RSRP1: variants seen among roughly 807,000 people sequenced by gnomAD.
RSRP1 encodes the protein arginine and serine rich protein 1.
Under a neutral mutation model 33.0 loss-of-function variants are expected in RSRP1, and 37 were observed. The observed-to-expected ratio is 1.12, with a 90% CI of 0.86 to 1.48. The LOEUF is 1.48. Among genes scored for constraint, RSRP1 ranks in the 40% most tolerant of loss-of-function variants. The pLI, the probability that RSRP1 is intolerant of heterozygous loss-of-function variation, is 0.00. For synonymous variants in RSRP1, 167 were observed against 158.7 expected, an observed-to-expected ratio of 1.05 and a Z score of -0.40; for missense variants, 402 against 385.3, an observed-to-expected ratio of 1.04 and a Z score of -0.36.
At chr1:25,322,494 G>C in intron 1 of RSRP1, among the ~76,000 whole-genome samples, 1 of 132,290 alleles carries the variant, frequency 7.6e-6, no homozygotes, top group South Asian at 2.3e-4. Flanking sequence ...CCAACGTGTC[G>C]AAACCCCATC....
chr1:25,294,277 C>G, intron 1 of RSRP1: 1 of 1,161,044 alleles, frequency 8.6e-7, no homozygotes. Context: ...GCCTTGGCAG[C>G]TTTCTGCGAG....
chr1:25,261,775 G>A (rs1571543002), intron 1 of RSRP1, among the ~76,000 whole-genome samples: 1 of 130,916 alleles, frequency 7.6e-6, no homozygotes, highest in East Asian at 2.4e-4. Flanking sequence ...GCAGTGTTAT[G>A]ATTTTGGCTC....
Position 25,246,969 on chromosome 1 carries a change from C to A in RSRP1, c.-6G>T. 1 of 1,562,574 alleles carries A rather than the reference C, an allele frequency of 6.4e-7. No homozygotes were observed. Among genetic ancestry groups the A allele is most frequent in the South Asian group, 1.2e-5 (1 of 86,608 alleles). On this transcript the variant is annotated 5_prime_UTR_variant, in exon 2 of 5. Transcript: ENST00000243189. ...TCGTTCACGTAGTTGGACATCTTCA[C>A]CTGCGGCTTTAGCCTGCGCTTTCTC...
chr1:25,302,916 A>C lies in RSRP1; in HGVS notation c.-67+35062T>G, dbSNP rs1364217221. On this transcript the variant is annotated intron_variant, in intron 1 of 1. Coordinates refer to the RSRP1 transcript ENST00000561867. ...CCCAATATTTTGGGAGGCTGAGGCA[A>C]GAGGATTGGTTGAGGCCAGGAGTTC... Among the ~76,000 whole-genome samples the C allele has an allele frequency of 3.1e-5, 4 of 130,574 alleles. 2 individuals carry two copies. The highest frequency in any genetic ancestry group is 1.1e-4 in the African/African-American group (4 of 37,852). The allele number at this position is 130,574 out of a possible 152,430, so 85.7% of individuals were successfully genotyped here.
chr1:25,243,487 A>G, intron 4 of RSRP1, 63 bp downstream of exon 4: 2 of 1,583,718 alleles, frequency 1.3e-6, no homozygotes, highest in Non-Finnish European at 1.7e-6. Context: ...AGATAAAAAC[A>G]CAAAGATGCA....
At chr1:25,297,612 C>T (rs1643059735) in intron 1 of RSRP1, among the ~76,000 whole-genome samples, 1 of 131,594 alleles carries the variant, frequency 7.6e-6, no homozygotes, top group African/African-American at 2.6e-5. Context: ...GAAAAGCTTT[C>T]GCTTCTCTGT....
At position 25,246,901 on chromosome 1, in the gene RSRP1, G is replaced by A. The variant is rs941000219; in HGVS notation, c.63C>T (p.Thr21=). The part of the protein sequence containing the change: ...GSPQEKDSPS[T]SRSGGSSRLS... ...GCCGGCTGGACCCGCCCGACCGCGA[G>A]GTCGAGGGCGAATCCTTCTCCTGCG... The change falls in exon 2 of 5, where the codon ACC becomes ACT. Residue 21 remains threonine, a synonymous_variant. Coordinates refer to ENST00000243189, the MANE Select transcript of RSRP1 (RefSeq NM_020317.5). 5.6e-6 allele frequency: 9 copies of A among 1,603,384 alleles called. No individual in the cohort carries two copies. Among genetic ancestry groups the A allele is most frequent in the South Asian group, 1.1e-5 (1 of 90,880 alleles).
intron 1 of RSRP1, chr1:25,329,352 C>G: frequency 3.0e-6 from 1 of 336,310 alleles, no homozygotes; most frequent in East Asian, 4.2e-5. Context: ...TCAAGCAAAT[C>G]TCCTGCCTCA....
chr1:25,258,864 T>A (rs553181141), intron 1 of RSRP1, among the ~76,000 whole-genome samples: 1 of 152,164 alleles, frequency 6.6e-6, no homozygotes, highest in Non-Finnish European at 1.5e-5. Context: ...GAAAACACTT[T>A]GTCATTTTAG....
At chr1:25,247,585 C>CGCCCTGT (rs1639586654), upstream of RSRP1, 1 of 152,316 alleles carries the variant, frequency 6.6e-6, no homozygotes, top group Non-Finnish European at 1.5e-5. Flanking sequence ...CCCCAAGCCG[C>CGCCCTGT]GCCCTGTGCC....
chr1:25,331,075 C>T (rs1644996732), intron 1 of RSRP1, among the ~76,000 whole-genome samples: 1 of 117,304 alleles, frequency 8.5e-6, no homozygotes, highest in East Asian at 2.3e-4. Flanking sequence ...TCAAGCAATT[C>T]TCCTGCCTCA....
At position 25,290,229 on chromosome 1, in the gene RSRP1, C is replaced by A. The variant is rs370873484; in HGVS notation, c.-66-43200G>T. Among the ~76,000 whole-genome samples, 8 of 128,140 alleles carry A rather than the reference C, an allele frequency of 6.2e-5. 2 individuals carry two copies. In the East Asian group the frequency reaches 9.9e-4, roughly 16 times the overall value. The allele number at this position is 128,140 out of a possible 152,430, so 84.1% of individuals were successfully genotyped here. Reference sequence around the variant, plus strand: ...GGGTGACTGGATGTGGGCAGGCCTGCGGGGGAAGAGTGCCCTCTGTTGAGC... The same window carrying A: ...GGGTGACTGGATGTGGGCAGGCCTGAGGGGGAAGAGTGCCCTCTGTTGAGC... On this transcript the variant is annotated intron_variant, in intron 1 of 1. Coordinates refer to the RSRP1 transcript ENST00000561867.
chr1:25,301,003 T>C lies in RSRP1; in HGVS notation c.-67+36975A>G. On this transcript the variant is annotated intron_variant, in intron 1 of 1. Transcript: ENST00000561867. The stretch of plus-strand genomic sequence containing the variant: ...CGTGTTCGCAGCCTATTTTGGGCTG[T>C]CTGTGGCCTGGTGCCTGCCAAAGCC... 1.5e-6 allele frequency: 2 copies of C among 1,376,028 alleles called. 1 individual carries two copies. Among genetic ancestry groups the C allele is most frequent in the South Asian group, 2.4e-5 (2 of 84,856 alleles). The allele number at this position is 1,376,028 out of a possible 1,614,324, so 85.2% of individuals were successfully genotyped here.
chr1:25,321,700 A>AAATAAAATAAAATAAAATAC (rs1644718607), intron 1 of RSRP1, among the ~76,000 whole-genome samples: 1 of 128,346 alleles, frequency 7.8e-6, no homozygotes, highest in Non-Finnish European at 1.8e-5. Context: ...AAATAAAATA[A>AAATAAAATAAAATAAAATAC]AATAAAATAG....
chr1:25,244,556 T>A lies in RSRP1; in HGVS notation c.672+594A>T, dbSNP rs1639187675. On this transcript the variant is annotated intron_variant, in intron 3 of 4. Coordinates refer to ENST00000243189, the MANE Select transcript of RSRP1 (RefSeq NM_020317.5). ...CTGTATATGCTGAGTACAGAATTTG[T>A]GGGAACATAATGCTGCAAATGAAAG... 4 of 1,288,232 alleles carry A rather than the reference T, an allele frequency of 3.1e-6. No homozygotes were observed. The Admixed American group carries it at 9.2e-5, about 30-fold the overall frequency. 79.8% of individuals were successfully genotyped at this position (1,288,232 alleles called of 1,614,324 possible). A position where few individuals can be genotyped will look rare whatever the true frequency, so the allele number is the denominator to read the frequency against.
chr1:25,300,748 C>T lies in RSRP1; in HGVS notation c.-67+37230G>A, dbSNP rs866346173. Among the ~76,000 whole-genome samples, 29 of 131,694 alleles carry T rather than the reference C, an allele frequency of 2.2e-4. 8 individuals are homozygous for T. Among genetic ancestry groups the T allele is most frequent in the South Asian group, 7.0e-4 (3 of 4,312 alleles). The allele number at this position is 131,694 out of a possible 152,430, so 86.4% of individuals were successfully genotyped here. On this transcript the variant is annotated intron_variant, in intron 1 of 1. Coordinates refer to the RSRP1 transcript ENST00000561867. ...CGCGTGAACCTGGGAGGCAAATGTT[C>T]CAGTGAGCCGAGATCGTGCCATTGC...
rs1220482255 is a variant in RSRP1 at position 25,277,738 on chromosome 1, G to A, written c.-66-30709C>T. On this transcript the variant is annotated intron_variant, in intron 1 of 1. Coordinates refer to the RSRP1 transcript ENST00000561867. ...ATTGCCCAGGGGAGTGCAGTGGTGC[G>A]ATCTTGGCTCACCGCAACCTCCACC... Among the ~76,000 whole-genome samples, 4 of 122,318 alleles carry A rather than the reference G, an allele frequency of 3.3e-5. 1 individual carries two copies. Among genetic ancestry groups the A allele is most frequent in the Non-Finnish European group, 7.7e-5 (4 of 51,738 alleles). 80.2% of individuals were successfully genotyped at this position (122,318 alleles called of 152,430 possible). A position where few individuals can be genotyped will look rare whatever the true frequency, so the allele number is the denominator to read the frequency against.
chr1:25,258,398 T>C (rs1323706105), intron 1 of RSRP1, among the ~76,000 whole-genome samples: 1 of 152,178 alleles, frequency 6.6e-6, no homozygotes, highest in Non-Finnish European at 1.5e-5. Context: ...CAGGCTGGTC[T>C]TGAACTCCTG....
At chr1:25,319,702 T>C (rs1644593609) in intron 1 of RSRP1, among the ~76,000 whole-genome samples, 2 of 132,154 alleles carry the variant, frequency 1.5e-5, no homozygotes, top group South Asian at 2.3e-4. Flanking sequence ...AAGACAAGCA[T>C]TTAATTTGTT....
Sources: gnomAD v4.1 joint callset for allele counts (sites outside exome capture counted in the v4.1 genomes callset) on GRCh38, gnomAD v4.1.1 for gene constraint, MANE v1.5 for transcripts, NCBI Gene and HGNC (gene_info 2026-07-23, HGNC 2026-07-21) for gene names.